ADGRV1: variants seen among roughly 807,000 people sequenced by gnomAD.
The protein encoded by ADGRV1 is G-protein coupled receptor 98.
A neutral mutation model predicts 596.2 loss-of-function variants in ADGRV1; 359 were observed. The observed-to-expected ratio is 0.60, with a 90% confidence interval of 0.55 to 0.66. The LOEUF is 0.66. ADGRV1 is among the 30% of genes least tolerant of loss of function. The probability of loss-of-function intolerance (pLI) is 0.00; values close to 1 mark genes in which losing one functional copy is unlikely to be tolerated. For missense variants in ADGRV1, 7,274 were observed against 7,575.6 expected (o/e 0.96, Z 1.48); for synonymous variants, 2,681 against 2,679.2 (o/e 1.00, Z -0.02).
At position 90,637,865 on chromosome 5, in the gene ADGRV1, G is replaced by C. The variant is rs1766427289; in HGVS notation, c.2157G>C (p.Gly719=). The C allele has an allele frequency of 6.2e-7, 1 of 1,613,568 alleles. No individual in the cohort carries two copies. The highest frequency in any genetic ancestry group is 8.5e-7 in the Non-Finnish European group (1 of 1,179,734). Reference sequence around the variant, plus strand: ...ATGGCTCTGTTTTGTTTTTATCTGGGCAAAGTGACACAACAATCAACATTA... The same window carrying C: ...ATGGCTCTGTTTTGTTTTTATCTGGCCAAAGTGACACAACAATCAACATTA... ...PFNGSVLFLS[G]QSDTTINITI... Residue 719 remains glycine (G), a synonymous_variant, in exon 11 of 90, where the codon GGG becomes GGC. Transcript: ENST00000405460.
intron 83 of ADGRV1, among the ~76,000 whole-genome samples, chr5:90,960,322 C>T (rs1474996494): frequency 1.3e-5 from 2 of 152,004 alleles, no homozygotes; most frequent in Non-Finnish European, 2.9e-5. Context: ...TCTAAATGTG[C>T]ACCTTTTATT....
chr5:91,036,593 G>T (rs545631156), intron 85 of ADGRV1, among the ~76,000 whole-genome samples: 4 of 151,662 alleles, frequency 2.6e-5, no homozygotes, highest in Non-Finnish European at 1.5e-5. Flanking sequence ...AGGCCTGCGG[G>T]TGAGCGCCTG....
intron 28 of ADGRV1, among the ~76,000 whole-genome samples, chr5:90,684,938 T>G (rs887280649): frequency 2.6e-5 from 4 of 152,214 alleles, no homozygotes; most frequent in African/African-American, 9.6e-5. Flanking sequence ...TTGCAGCTAG[T>G]TTTTGAGGTC....
intron 67 of ADGRV1, among the ~76,000 whole-genome samples, chr5:90,785,797 CTG>C (rs1759371823): frequency 6.6e-6 from 1 of 152,092 alleles, no homozygotes; most frequent in South Asian, 2.1e-4. Context: ...TTTTACACTG[CTG>C]GTAGGAGTGT....
chr5:91,108,231 T>G (rs1214968886), intron 87 of ADGRV1, among the ~76,000 whole-genome samples: 1 of 152,184 alleles, frequency 6.6e-6, no homozygotes, highest in East Asian at 1.9e-4. Flanking sequence ...AGTTTAGGCA[T>G]TTCCATGGAA....
In ADGRV1 at chr5:90,653,764, C is replaced by G. The variant is rs1561464526; in HGVS notation, c.4190C>G (p.Ser1397Cys). 1.2e-6 allele frequency: 2 copies of G among 1,613,124 alleles called. No homozygotes were observed. The highest frequency in any genetic ancestry group is 1.7e-6 in the Non-Finnish European group (2 of 1,179,564). Residue 1397 changes from serine to cysteine, a missense_variant, in exon 20 of 90, where the codon TCC (serine) becomes TGC (cysteine). Ser to Cys is a moderately radical substitution (Grantham distance 112, BLOSUM62 -1). Coordinates refer to ENST00000405460, the MANE Select transcript of ADGRV1 (RefSeq NM_032119.4). ...IQTNESHVTL[S>C]LHYKTLGSNA... ...ACAAACGAATCCCATGTGACACTTT[C>G]CCTTCATTATAAAACCTTGGGTTCC... is the stretch of plus-strand genomic sequence containing the variant.
In ADGRV1 at chr5:90,757,154, A is replaced by G. The variant is rs199778983; in HGVS notation, c.11933A>G (p.Asp3978Gly). The G allele has an allele frequency of 1.9e-6, 3 of 1,613,572 alleles. No homozygotes were observed. The highest frequency in any genetic ancestry group is 2.5e-6 in the Non-Finnish European group (3 of 1,179,634). Residue 3978 changes from aspartate (D) to glycine (G), a missense_variant, in exon 57 of 90, where the codon GAT becomes GGT. Physicochemically the swap from Asp to Gly is moderately conservative, Grantham distance 94. Coordinates refer to ENST00000405460, the MANE Select transcript of ADGRV1 (RefSeq NM_032119.4). ...KPSHGILEFA[D>G]KQVTAMIEIT... ...TCTCATGGGATTCTTGAATTTGCAG[A>G]TAAACAGGTATGCCAGTCATTAACA...
Position 90,694,690 on chromosome 5 carries a change from C to T in ADGRV1, c.7934C>T (p.Thr2645Ile), listed in dbSNP as rs868730186. The T allele has an allele frequency of 1.9e-6, 3 of 1,579,106 alleles. No individual in the cohort carries two copies. The South Asian group carries it at 3.5e-5, about 19-fold the overall frequency. Residue 2645 changes from threonine (T) to isoleucine (I), a missense_variant, in exon 33 of 90, where the codon ACC (threonine) becomes ATC (isoleucine). Physicochemically the swap from Thr to Ile is moderately conservative, Grantham distance 89. Transcript: ENST00000405460. Reference protein sequence around the residue: ...LDFIGAGEILTFAEGETKKTV... With the variant: ...LDFIGAGEILIFAEGETKKTV... ...TTTATAGGTGCTGGAGAGATTCTGA[C>T]CTTTGCTGAAGGTGAGCAATGGTTC...
chr5:91,114,586 G>A lies in ADGRV1; in HGVS notation c.18432+12246G>A, dbSNP rs564176522. On this transcript the variant is annotated intron_variant, in intron 87 of 89. Coordinates refer to ENST00000405460, the MANE Select transcript of ADGRV1 (RefSeq NM_032119.4). ...GAAGGAAATGGGTTTCAGGCCATGT[G>A]AAGGTTAACCAATCTATTTATAGTT... Among the ~76,000 whole-genome samples the A allele has an allele frequency of 1.2e-4, 19 of 152,246 alleles. No homozygotes were observed. In the South Asian group the frequency reaches 3.9e-3, roughly 32 times the overall value.
At chr5:90,612,953 A>T (rs536325118) in intron 1 of ADGRV1, among the ~76,000 whole-genome samples, 1 of 152,220 alleles carries the variant, frequency 6.6e-6, no homozygotes, top group South Asian at 2.1e-4. Flanking sequence ...TTAAATGCAT[A>T]TTCCTGGTCC....
chr5:90,807,728 C>T lies in ADGRV1; in HGVS notation c.14963C>T (p.Ala4988Val). The change falls in exon 73 of 90, where the codon GCT becomes GTT. Residue 4988 changes from alanine to valine, a missense_variant. By Grantham distance (64) the Ala-to-Val change is moderately conservative. Transcript: ENST00000405460. Reference protein sequence around the residue: ...SGVQSSAPGGAQLRSGFIVAE... With the variant: ...SGVQSSAPGGVQLRSGFIVAE... ...GTGCAGAGCAGTGCTCCTGGCGGAG[C>T]TCAACTCCGGTAAGACCAACCTCAT... 6.4e-7 allele frequency: 1 copy of T among 1,554,272 alleles called. No individual in the cohort carries two copies. Among genetic ancestry groups the T allele is most frequent in the Non-Finnish European group, 8.7e-7 (1 of 1,143,564 alleles).
At chr5:90,693,749 A>C (rs1449997025) in intron 32 of ADGRV1, 141 bp from the exon 33 acceptor site, 1 of 538,836 alleles carries the variant, frequency 1.9e-6, no homozygotes, top group Non-Finnish European at 3.0e-6. Context: ...AGACAAGTGT[A>C]ATTAAGAAAC....
At chr5:90,631,811 A>G (rs1305011151) in intron 9 of ADGRV1, among the ~76,000 whole-genome samples, 6 of 152,210 alleles carry the variant, frequency 3.9e-5, no homozygotes, top group Non-Finnish European at 8.8e-5. Context: ...TAAAACAACT[A>G]GAATGCTGCT....
intron 86 of ADGRV1, among the ~76,000 whole-genome samples, chr5:91,082,436 C>T (rs1789474403): frequency 6.6e-6 from 1 of 152,118 alleles, no homozygotes; most frequent in South Asian, 2.1e-4. Context: ...AAGAGATACT[C>T]CCACTTTGGG....
rs1767955887 is a variant in ADGRV1, at chr5:90,647,504, G to A, written c.3029G>A (p.Arg1010His). The A allele has an allele frequency of 7.4e-6, 12 of 1,610,750 alleles. No individual in the cohort carries two copies. The highest frequency in any genetic ancestry group is 2.2e-5 in the East Asian group (1 of 44,812). The change falls in exon 17 of 90, where the codon CGT (arginine) becomes CAT (histidine). Residue 1010 changes from arginine to histidine, a missense_variant. Coordinates refer to ENST00000405460, the MANE Select transcript of ADGRV1 (RefSeq NM_032119.4). ...TTCTTTGTGGATATTTCAGAACCTC[G>A]TGTAGTGAGGGTTCAGGAAGGTGAG... ...NDDPIYFAEP[R>H]VVRVQEGETA...
At chr5:91,144,265 A>G (rs976293827) in intron 87 of ADGRV1, among the ~76,000 whole-genome samples, 2 of 152,190 alleles carry the variant, frequency 1.3e-5, no homozygotes, top group East Asian at 1.9e-4. Context: ...CATCGCTACC[A>G]TCAATAGTGG....
At chr5:91,096,006 C>T (rs1409219533) in intron 86 of ADGRV1, among the ~76,000 whole-genome samples, 1 of 152,126 alleles carries the variant, frequency 6.6e-6, no homozygotes, top group Non-Finnish European at 1.5e-5. Context: ...GTGATCCCCC[C>T]ACCTCAGCCT....
chr5:91,041,233 A>T (rs1785320583), intron 85 of ADGRV1, among the ~76,000 whole-genome samples: 1 of 152,200 alleles, frequency 6.6e-6, no homozygotes, highest in South Asian at 2.1e-4. Flanking sequence ...ACTTGGAACC[A>T]ACCCAAATGT....
In ADGRV1 at chr5:90,855,759, G is replaced by C; in HGVS notation, c.17613G>C (p.Gln5871His). Reference sequence around the variant, plus strand: ...GCCCTAGCTGGTTGTCTGACAGTCAGTTTTGCAAAGTGGTTGAGGAAACTG... The same window carrying C: ...GCCCTAGCTGGTTGTCTGACAGTCACTTTTGCAAAGTGGTTGAGGAAACTG... ...QAAASWLSDSQFCKVVEETAD... is the reference protein window; with the variant it reads ...QAAASWLSDSHFCKVVEETAD... Residue 5871 changes from glutamine to histidine, a missense_variant, in exon 82 of 90, where the codon CAG becomes CAC. This residue lies in a region of ADGRV1 where 1,874 missense variants were observed against 1,970.2 expected (regional missense o/e 0.95). Transcript: ENST00000405460. 1 of 1,588,020 alleles carries C rather than the reference G, an allele frequency of 6.3e-7. No homozygotes were observed. The highest frequency in any genetic ancestry group is 8.6e-7 in the Non-Finnish European group (1 of 1,166,604).
Sources: allele counts gnomAD v4.1 joint callset (sites outside exome capture counted in the v4.1 genomes callset), GRCh38; gene constraint gnomAD v4.1.1; regional missense constraint gnomAD v4.1.1; transcripts MANE v1.5; gene names NCBI Gene and HGNC (gene_info 2026-07-23, HGNC 2026-07-21).